RORA: variants seen among roughly 807,000 people sequenced by gnomAD.
RORA encodes the protein RAR related orphan receptor A.
RORA carries 7 observed loss-of-function variants against 69.5 expected under a neutral mutation model. The ratio of observed to expected loss-of-function variants is 0.10; its 90% confidence interval spans 0.06 to 0.19. The LOEUF is 0.19. Ranked by LOEUF, RORA falls within the 10% of genes least tolerant of loss-of-function variation. The pLI, the probability that RORA is intolerant of heterozygous loss-of-function variation, is 1.00. For missense variants in RORA, 457 were observed against 663.0 expected, an observed-to-expected ratio of 0.69 and a Z score of 3.41; for synonymous variants, 261 against 240.8, an observed-to-expected ratio of 1.08 and a Z score of -0.78.
chr15:61,170,497 C>A (rs576818232), intron 1 of RORA, among the ~76,000 whole-genome samples: 1 of 152,336 alleles, frequency 6.6e-6, no homozygotes, highest in Admixed American at 6.5e-5. Context: ...AATCCAGGAT[C>A]ATCTCCCAAC....
At chr15:60,738,276 G>A (rs1275443235) in intron 1 of RORA, among the ~76,000 whole-genome samples, 1 of 152,200 alleles carries the variant, frequency 6.6e-6, no homozygotes, top group Non-Finnish European at 1.5e-5. Context: ...TCTTCAATAT[G>A]CCAGAGGTAA....
chr15:60,691,869 A>G (rs1423450571), intron 1 of RORA, among the ~76,000 whole-genome samples: 1 of 152,236 alleles, frequency 6.6e-6, no homozygotes, highest in Non-Finnish European at 1.5e-5. Flanking sequence ...TTATAACCCA[A>G]CTTGTAAAAC....
intron 3 of RORA, among the ~76,000 whole-genome samples, chr15:60,518,492 G>A (rs1567054706): frequency 6.6e-6 from 1 of 152,224 alleles, no homozygotes; most frequent in Non-Finnish European, 1.5e-5. Flanking sequence ...TGCAGGGCTG[G>A]ATAACTCCTA....
At chr15:61,206,736 C>G (rs2079945243) in intron 1 of RORA, among the ~76,000 whole-genome samples, 1 of 152,322 alleles carries the variant, frequency 6.6e-6, no homozygotes, top group South Asian at 2.1e-4. Flanking sequence ...TCCAGCCCGG[C>G]AGCACACAGC....
chr15:61,057,342 C>T (rs1176699832), intron 1 of RORA, among the ~76,000 whole-genome samples: 2 of 152,190 alleles, frequency 1.3e-5, no homozygotes, highest in Non-Finnish European at 2.9e-5. Context: ...TGTCAAGCCC[C>T]CCAATGCAGA....
rs1174112077 is a variant in RORA, at chr15:60,943,691, G to A, written c.167-265005C>T. Among the ~76,000 whole-genome samples the A allele has an allele frequency of 2.6e-5, 4 of 151,826 alleles. No homozygotes were observed. In the South Asian group the frequency reaches 6.2e-4, roughly 24 times the overall value. ...AGCACTTTGGGAGGCTGAGGTGGGG[G>A]GATTGCCTGAGCTCAGGAGTTCAAG... is the stretch of plus-strand genomic sequence containing the variant. On this transcript the variant is annotated intron_variant, in intron 1 of 10. Coordinates refer to ENST00000335670, the MANE Select transcript of RORA (RefSeq NM_134261.3).
intron 1 of RORA, among the ~76,000 whole-genome samples, chr15:61,162,928 A>G (rs2079508598): frequency 1.3e-5 from 2 of 152,230 alleles, no homozygotes; most frequent in African/African-American, 4.8e-5. Context: ...TAATAGGGTC[A>G]GAGCAGGTCT....
intron 1 of RORA, among the ~76,000 whole-genome samples, chr15:60,727,953 C>T (rs1427907457): frequency 2.6e-5 from 4 of 152,144 alleles, no homozygotes; most frequent in Admixed American, 6.5e-5. Context: ...ACACAGTGGA[C>T]GTATCTGAAA....
At chr15:60,852,421 G>A (rs1253880409) in intron 1 of RORA, among the ~76,000 whole-genome samples, 1 of 152,146 alleles carries the variant, frequency 6.6e-6, no homozygotes, top group Non-Finnish European at 1.5e-5. Flanking sequence ...CTCCAGTCCC[G>A]TGTCTATAAA....
At chr15:60,840,986 A>G (rs957025110) in intron 1 of RORA, 37 of 529,284 alleles carry the variant, frequency 7.0e-5, no homozygotes, top group Non-Finnish European at 8.7e-5. Flanking sequence ...GGTAGCGACA[A>G]TACCACCTCC....
chr15:61,086,231 G>T (rs1426572189), intron 1 of RORA, among the ~76,000 whole-genome samples: 1 of 152,230 alleles, frequency 6.6e-6, no homozygotes, highest in Non-Finnish European at 1.5e-5. Context: ...ATACGTCCAT[G>T]ATCACAGAGT....
At chr15:60,605,278 T>C (rs916630235) in intron 2 of RORA, among the ~76,000 whole-genome samples, 1 of 152,134 alleles carries the variant, frequency 6.6e-6, no homozygotes, top group Admixed American at 6.6e-5. Flanking sequence ...TAGTTAGAGT[T>C]TGTACTCTCT....
Position 60,531,445 on chromosome 15 carries a change from A to G in RORA, c.282+321T>C, listed in dbSNP as rs1335632813. On this transcript the variant is annotated intron_variant, in intron 3 of 10. Transcript: ENST00000335670. This position sits in a 1 kb window ranked among gnomAD's most constrained non-coding sequence, Gnocchi z 4.8. ...CTTTTTATAAGCTTATGACAGGGAC[A>G]TTGTAGAAGTCTGGAGTTAGCTCTT... is the stretch of plus-strand genomic sequence containing the variant. 4.1e-6 allele frequency: 1 copy of G among 244,866 alleles called. No homozygotes were observed. Among genetic ancestry groups the G allele is most frequent in the East Asian group, 1.2e-4 (1 of 8,258 alleles). 15.2% of individuals were successfully genotyped at this position (244,866 alleles called of 1,614,324 possible).
intron 3 of RORA, among the ~76,000 whole-genome samples, chr15:60,527,534 A>G (rs1242152478): frequency 6.6e-6 from 1 of 152,116 alleles, no homozygotes; most frequent in Non-Finnish European, 1.5e-5. Flanking sequence ...ATGCCCCCTC[A>G]TCATGCTCAC....
At chr15:61,122,664 C>G (rs905727335) in intron 1 of RORA, among the ~76,000 whole-genome samples, 1 of 151,792 alleles carries the variant, frequency 6.6e-6, no homozygotes, top group African/African-American at 2.4e-5. Context: ...TTTCCCTAAG[C>G]TTACACAGCT....
rs2065199116 is a variant in RORA at position 60,497,573 on chromosome 15, G to A, written c.1454C>T (p.Thr485Ile). ...TGCTTTAAATGCCATTAGCTTTTCT[G>A]TATGTCGTCCACATAAGGCTCTTAA... ...STLRALCGRH[T>I]EKLMAFKAIY... The change falls in exon 11 of 11, where the codon ACA (threonine) becomes ATA (isoleucine). Residue 485 changes from threonine to isoleucine, a missense_variant. Thr to Ile is a moderately conservative substitution (Grantham distance 89). Coordinates refer to ENST00000335670, the MANE Select transcript of RORA (RefSeq NM_134261.3). 6.2e-7 allele frequency: 1 copy of A among 1,612,490 alleles called. No individual in the cohort carries two copies.
intron 1 of RORA, among the ~76,000 whole-genome samples, chr15:61,064,715 T>C (rs1162100218): frequency 1.3e-5 from 2 of 152,176 alleles, no homozygotes; most frequent in Admixed American, 1.3e-4. Context: ...CAGCATTACA[T>C]GAATTGAGGC....
chr15:60,986,414 C>G (rs559428528), intron 1 of RORA, among the ~76,000 whole-genome samples: 1 of 152,338 alleles, frequency 6.6e-6, no homozygotes, highest in East Asian at 1.9e-4. Context: ...TTTCCTATCA[C>G]TACAATTAGC....
rs1203238304 is a variant in RORA, at chr15:60,597,551, CAT to C, written c.197-65702_197-65701del. On this transcript the variant is annotated intron_variant, in intron 2 of 10. Coordinates refer to ENST00000335670, the MANE Select transcript of RORA (RefSeq NM_134261.3). ...CACACACACACACACACACACACAA[CAT>C]ATATATATATATATATATATACACA... Among the ~76,000 whole-genome samples, 217 of 25,110 alleles carry C rather than the reference CAT, an allele frequency of 8.6e-3. 5 individuals carry two copies. Among genetic ancestry groups the C allele is most frequent in the African/African-American group, 0.02 (144 of 7,120 alleles). The allele number at this position is 25,110 out of a possible 152,430, so 16.5% of individuals were successfully genotyped here. A position where few individuals can be genotyped will look rare whatever the true frequency, so the allele number is the denominator to read the frequency against.
Sources: allele counts gnomAD v4.1 joint callset (sites outside exome capture counted in the v4.1 genomes callset), GRCh38; gene constraint gnomAD v4.1.1; non-coding constraint Gnocchi (gnomAD v3.1); transcripts MANE v1.5; gene names NCBI Gene and HGNC (gene_info 2026-07-23, HGNC 2026-07-21).